Variants in MBD5 observed in about 807,000 individuals in gnomAD.
MBD5 encodes the protein methyl-CpG binding domain protein 5.
In MBD5, 13 loss-of-function variants were observed where a neutral mutation model predicts 117.3. That is an observed-to-expected ratio of 0.11 (90% CI 0.07 to 0.18). The LOEUF (loss-of-function observed/expected upper bound fraction) is 0.18. Among genes scored for constraint, MBD5 ranks in the 10% least tolerant of loss-of-function variants. MBD5 has a pLI of 1.00. For missense variants in MBD5, 1,879 were observed against 2,093.8 expected, an observed-to-expected ratio of 0.90 and a Z score of 2.00; for synonymous variants, 727 against 766.4, an observed-to-expected ratio of 0.95 and a Z score of 0.85.
At chr2:148,240,334 T>C (rs1347175287) in intron 3 of MBD5, among the ~76,000 whole-genome samples, 2 of 151,796 alleles carry the variant, frequency 1.3e-5, no homozygotes, top group African/African-American at 4.8e-5. Context: ...AGTTAATGGG[T>C]GCAGCACACC....
At chr2:148,366,840 A>T (rs538336277) in intron 4 of MBD5, among the ~76,000 whole-genome samples, 1 of 152,246 alleles carries the variant, frequency 6.6e-6, no homozygotes, top group East Asian at 1.9e-4. Flanking sequence ...ACACAAACAA[A>T]TGGAAAACAT....
intron 1 of MBD5, among the ~76,000 whole-genome samples, chr2:148,177,815 G>T (rs1242683100): frequency 3.3e-5 from 5 of 152,118 alleles, no homozygotes; most frequent in African/African-American, 1.2e-4. Flanking sequence ...CTGAAAAACC[G>T]ACATCTGCAC....
intron 2 of MBD5, among the ~76,000 whole-genome samples, chr2:148,188,488 C>A (rs1698725975): frequency 6.6e-6 from 1 of 151,870 alleles, no homozygotes; most frequent in Admixed American, 6.6e-5. Context: ...GAGTTTGAGA[C>A]CAGCCTGGGC....
chr2:148,276,249 G>A (rs150577797), intron 3 of MBD5, among the ~76,000 whole-genome samples: 39 of 152,248 alleles, frequency 2.6e-4, no homozygotes, highest in African/African-American at 9.2e-4. Flanking sequence ...GAGCCTGGGA[G>A]TTGAAAGCTG....
Position 148,490,578 on chromosome 2 carries a change from G to A in MBD5, c.4946G>A (p.Ser1649Asn). 1.2e-6 allele frequency: 2 copies of A among 1,614,156 alleles called. No homozygotes were observed. The highest frequency in any genetic ancestry group is 1.7e-6 in the Non-Finnish European group (2 of 1,180,038). The stretch of plus-strand genomic sequence containing the variant: ...GACGTTCACAATTCATGTCAACAAA[G>A]CCCCGAGGAAGGGAAGGTATACCAA... ...EDDVHNSCQQ[S>N]PEEGKVEPEK... Residue 1649 changes from serine (S) to asparagine (N), a missense_variant, in exon 11 of 14, where the codon AGC becomes AAC. By Grantham distance (46) the Ser-to-Asn change is conservative. This residue lies in a region of MBD5 where 135 missense variants were observed against 148.0 expected (regional missense o/e 0.91). Coordinates refer to ENST00000642680, the MANE Select transcript of MBD5 (RefSeq NM_001378120.1).
intron 1 of MBD5, chr2:148,025,947 C>T (rs1299659201): frequency 3.9e-5 from 6 of 152,128 alleles, no homozygotes; most frequent in Admixed American, 3.3e-4. Context: ...AGAATCTTAT[C>T]TCAGTTCCTG....
intron 4 of MBD5, among the ~76,000 whole-genome samples, chr2:148,426,782 A>G (rs1178511357): frequency 1.3e-5 from 2 of 152,204 alleles, no homozygotes; most frequent in African/African-American, 2.4e-5. Flanking sequence ...AATGGCAACA[A>G]AAGCCAGAAT....
intron 4 of MBD5, among the ~76,000 whole-genome samples, chr2:148,380,900 G>A (rs1186541346): frequency 6.6e-6 from 1 of 152,204 alleles, no homozygotes; most frequent in East Asian, 1.9e-4. Flanking sequence ...CAGACCTGCA[G>A]CTGAGGGTCC....
chr2:148,054,936 T>A (rs1472338189), intron 1 of MBD5: 2 of 152,238 alleles, frequency 1.3e-5, no homozygotes, highest in Non-Finnish European at 2.9e-5. Context: ...GGCTTTTGTG[T>A]CCCTCATTTT....
chr2:148,385,578 A>C (rs1429284360), intron 4 of MBD5, among the ~76,000 whole-genome samples: 1 of 152,130 alleles, frequency 6.6e-6, no homozygotes, highest in Non-Finnish European at 1.5e-5. Context: ...TAGAACTAGA[A>C]ATACCATTTG....
chr2:148,200,519 A>G (rs914358870), intron 2 of MBD5, among the ~76,000 whole-genome samples: 1 of 151,944 alleles, frequency 6.6e-6, no homozygotes, highest in East Asian at 1.9e-4. Context: ...GTGAAACTCC[A>G]TCTCTGCTAA....
chr2:148,516,626 G>A lies in MBD5; in HGVS notation c.*3685G>A, dbSNP rs77065408. 5 of 152,206 alleles carry A rather than the reference G, an allele frequency of 3.3e-5. No homozygotes were observed. Among genetic ancestry groups the A allele is most frequent in the Admixed American group, 3.3e-4 (5 of 15,278 alleles). 9.4% of individuals were successfully genotyped at this position (152,206 alleles called of 1,614,324 possible). A position where few individuals can be genotyped will look rare whatever the true frequency, so the allele number is the denominator to read the frequency against. ...CAACCCAGAAGTGAATATTAAATCA[G>A]TGAGCCAAAAAGCAATAAACAACTC... On this transcript the variant is annotated 3_prime_UTR_variant, in exon 14 of 14. Coordinates refer to ENST00000642680, the MANE Select transcript of MBD5 (RefSeq NM_001378120.1).
intron 1 of MBD5, among the ~76,000 whole-genome samples, chr2:148,097,100 ATATT>A (rs1399894209): frequency 6.6e-6 from 1 of 152,204 alleles, no homozygotes; most frequent in Non-Finnish European, 1.5e-5. Flanking sequence ...ATTATAACTG[ATATT>A]TATGATAAAT....
In MBD5 at chr2:148,343,524, A is replaced by C. The variant is rs564918104; in HGVS notation, c.-557+1188A>C. Among the ~76,000 whole-genome samples the C allele has an allele frequency of 1.2e-4, 18 of 152,216 alleles. No homozygotes were observed. The South Asian group carries it at 3.7e-3, about 32-fold the overall frequency. ...TTTGATTTGCATTTCTCTGATGATT[A>C]GTGATAATAAGCACTTTTTCTTATG... On this transcript the variant is annotated intron_variant, in intron 4 of 13. Transcript: ENST00000642680.
chr2:148,161,024 G>A (rs1697995954), intron 1 of MBD5, among the ~76,000 whole-genome samples: 1 of 152,148 alleles, frequency 6.6e-6, no homozygotes, highest in Non-Finnish European at 1.5e-5. Context: ...CTTTTCTTCT[G>A]TGTACTCTCT....
intron 1 of MBD5, among the ~76,000 whole-genome samples, chr2:148,174,375 A>G (rs954727546): frequency 3.9e-5 from 6 of 152,130 alleles, no homozygotes; most frequent in Non-Finnish European, 5.9e-5. Context: ...TAGGGGGAAA[A>G]CTGCAAAATT....
At chr2:148,315,609 C>T (rs1023013128) in intron 3 of MBD5, among the ~76,000 whole-genome samples, 5 of 151,984 alleles carry the variant, frequency 3.3e-5, no homozygotes, top group Non-Finnish European at 5.9e-5. Context: ...TTTTTAAGAC[C>T]CTCAATTATC....
rs1403353435 is a variant in MBD5, at chr2:148,515,618, A to C, written c.*2677A>C. The C allele has an allele frequency of 6.6e-6, 1 of 152,234 alleles. No homozygotes were observed. The highest frequency in any genetic ancestry group is 1.5e-5 in the Non-Finnish European group (1 of 68,036). The allele number at this position is 152,234 out of a possible 1,614,324, so 9.4% of individuals were successfully genotyped here. ...GAAGCCAATTCATTTTTTTAAATGA[A>C]GGCTAGGCCTTCTATGTTACCAAAA... On this transcript the variant is annotated 3_prime_UTR_variant, in exon 14 of 14. Transcript: ENST00000642680.
intron 4 of MBD5, among the ~76,000 whole-genome samples, chr2:148,378,281 T>C (rs1490426604): frequency 6.6e-6 from 1 of 152,146 alleles, no homozygotes. Context: ...TGACATTTGG[T>C]TTCCTGATAA....
Sources: gnomAD v4.1 joint callset for allele counts (sites outside exome capture counted in the v4.1 genomes callset) on GRCh38, gnomAD v4.1.1 for gene constraint, gnomAD v4.1.1 regional missense constraint, MANE v1.5 for transcripts, NCBI Gene and HGNC (gene_info 2026-07-23, HGNC 2026-07-21) for gene names.